The following GNL3L variants were observed in gnomAD, a reference collection of about 807,000 sequenced individuals.
GNL3L encodes guanine nucleotide-binding protein-like 3-like protein.
Under a neutral mutation model 42.9 loss-of-function variants are expected in GNL3L, and 4 were observed. The observed-to-expected ratio is 0.09, with a 90% CI of 0.05 to 0.21. GNL3L has a LOEUF of 0.21. GNL3L is among the 10% of genes least tolerant of loss of function. The pLI is 1.00. For synonymous variants in GNL3L, 159 were observed against 176.3 expected (o/e 0.90, Z 0.78); for missense variants, 412 against 481.7 (o/e 0.86, Z 1.36).
chrX:54,593,747 C>A (rs1055685833), intron 16 of GNL3L, among the ~76,000 whole-genome samples: 1 of 110,920 alleles, frequency 9.0e-6, no homozygotes, highest in Non-Finnish European at 1.9e-5. Context: ...CTATAAACTT[C>A]CCCTCTTAGC....
At position 54,582,768 on chromosome X, in the gene GNL3L, A is replaced by G. The variant is rs181109436; in HGVS notation, c.*45+22121A>G. On this transcript the variant is annotated intron_variant, in intron 16 of 16. Transcript: ENST00000674498. Reference sequence around the variant, plus strand: ...CAGCTAATTTTCGTATTTTTAGTAGAGATGGGGCTTCACCATGTTGGCCAG... The same window carrying G: ...CAGCTAATTTTCGTATTTTTAGTAGGGATGGGGCTTCACCATGTTGGCCAG... Among the ~76,000 whole-genome samples the G allele has an allele frequency of 1.2e-3, 133 of 111,536 alleles. 1 individual carries two copies. Among genetic ancestry groups the G allele is most frequent in the African/African-American group, 4.2e-3 (130 of 30,656 alleles).
downstream of GNL3L, among the ~76,000 whole-genome samples, chrX:54,569,901 CA>C (rs1925519179): frequency 8.9e-6 from 1 of 111,914 alleles, no homozygotes; most frequent in Non-Finnish European, 1.9e-5. Context: ...AATTTAATTA[CA>C]TTATGGTAAA....
chrX:54,562,770 G>A lies in GNL3L; in HGVS notation c.*2168G>A, dbSNP rs1158652160. 9.2e-6 allele frequency among the ~76,000 whole-genome samples: 1 copy of A among 108,492 alleles called. No individual in the cohort carries two copies. Among genetic ancestry groups the A allele is most frequent in the South Asian group, 4.2e-4 (1 of 2,402 alleles). The allele number at this position is 108,492 out of a possible 115,157, so 94.2% of individuals were successfully genotyped here. On this transcript the variant is annotated 3_prime_UTR_variant, in exon 16 of 16. Transcript: ENST00000360845. ...ATCACACCACTGCACTCCAGCCTGG[G>A]GGACAGAGTGAGACTTCGTCTCGGA...
At chrX:54,593,255 G>T (rs1401407589) in intron 16 of GNL3L, among the ~76,000 whole-genome samples, 1 of 111,223 alleles carries the variant, frequency 9.0e-6, no homozygotes, top group African/African-American at 3.3e-5. Flanking sequence ...TCAGGTTCTG[G>T]GCTTTTCTTT....
Position 54,600,206 on chromosome X carries a change from C to CTTTTTTTTTTTTT in GNL3L, c.*46-20614_*46-20602dup, listed in dbSNP as rs1172527598. On this transcript the variant is annotated intron_variant, in intron 16 of 16. Transcript: ENST00000674498. ...CTCTAGATTTTATTCCAATCTGCTG[C>CTTTTTTTTTTTTT]TTTTTTTTTTTTTTTTTTTTTTTTT... 2.2e-4 allele frequency among the ~76,000 whole-genome samples: 3 copies of CTTTTTTTTTTTTT among 13,386 alleles called. 1 individual carries two copies. Among genetic ancestry groups the CTTTTTTTTTTTTT allele is most frequent in the Non-Finnish European group, 4.0e-4 (3 of 7,487 alleles). The allele number at this position is 13,386 out of a possible 115,157, so 11.6% of individuals were successfully genotyped here. A position where few individuals can be genotyped will look rare whatever the true frequency, so the allele number is the denominator to read the frequency against.
chrX:54,601,195 G>C (rs1180788984), intron 16 of GNL3L, among the ~76,000 whole-genome samples: 1 of 109,816 alleles, frequency 9.1e-6, no homozygotes, highest in Non-Finnish European at 1.9e-5. Context: ...GAACTGGGGG[G>C]TGAGTTGGGG....
rs146611671 is a variant in GNL3L, at chrX:54,549,388, C to G, written c.775+1015C>G. On this transcript the variant is annotated intron_variant, in intron 9 of 15. Coordinates refer to ENST00000360845, the MANE Select transcript of GNL3L (RefSeq NM_001184819.2). ...ACACACCCACCCCAACGCTGCTCCC[C>G]CAACGCGCATAGAACCACAAGGAGG... Among the ~76,000 whole-genome samples the G allele has an allele frequency of 8.1e-5, 9 of 111,756 alleles. No homozygotes were observed. The East Asian group carries it at 2.0e-3, about 25-fold the overall frequency.
Position 54,563,150 on chromosome X carries a change from T to G in GNL3L, c.*2548T>G, listed in dbSNP as rs981421836. Among the ~76,000 whole-genome samples, 1 of 111,687 alleles carries G rather than the reference T, an allele frequency of 9.0e-6. No homozygotes were observed. Among genetic ancestry groups the G allele is most frequent in the Non-Finnish European group, 1.9e-5 (1 of 53,216 alleles). On this transcript the variant is annotated 3_prime_UTR_variant, in exon 16 of 16. Transcript: ENST00000360845. The stretch of plus-strand genomic sequence containing the variant: ...TATGTGATAGTGTTATAATGAAAAA[T>G]TGCATACCAGGACAGCTAAGTCTAT...
At chrX:54,554,519 A>G (rs764897121) in intron 13 of GNL3L, 46 bp from the exon 14 acceptor site, 1 of 1,188,705 alleles carries the variant, frequency 8.4e-7, no homozygotes, top group Non-Finnish European at 1.1e-6. Flanking sequence ...GGGGCTGGCA[A>G]CAGAGGGGAG....
intron 16 of GNL3L, among the ~76,000 whole-genome samples, chrX:54,611,365 T>C (rs918536386): frequency 2.1e-4 from 24 of 112,111 alleles, no homozygotes; most frequent in African/African-American, 7.1e-4. Context: ...TGCTCTGATC[T>C]TGGTAATTTC....
intron 2 of GNL3L, among the ~76,000 whole-genome samples, chrX:54,537,715 G>C (rs1924482748): frequency 9.0e-6 from 1 of 111,124 alleles, no homozygotes; most frequent in African/African-American, 3.3e-5. Context: ...CAGCCTCCCA[G>C]CTAGCAACAG....
At chrX:54,571,194 ATT>A (rs141463877), downstream of GNL3L, among the ~76,000 whole-genome samples, 3 of 91,452 alleles carry the variant, frequency 3.3e-5, no homozygotes, top group Non-Finnish European at 2.1e-5. Context: ...TGTCATCCTA[ATT>A]TTTTTTTTTT....
chrX:54,630,645 G>A, the GNL3L span, among the ~76,000 whole-genome samples: 1 of 95,043 alleles, frequency 1.1e-5, no homozygotes. Context: ...ATTTTCTTTT[G>A]TTTTCTTTTC....
At chrX:54,531,621 C>G (rs1489346851) in intron 1 of GNL3L, among the ~76,000 whole-genome samples, 3 of 111,553 alleles carry the variant, frequency 2.7e-5, no homozygotes, top group Non-Finnish European at 5.6e-5. Flanking sequence ...AGTCCACCTT[C>G]CATAGAAGGG....
intron 1 of GNL3L, among the ~76,000 whole-genome samples, chrX:54,530,776 C>T (rs751427369): frequency 1.5e-4 from 17 of 112,153 alleles, no homozygotes; most frequent in Non-Finnish European, 2.3e-4. Context: ...AAGGCACTTC[C>T]TTGGCTTGGC....
At chrX:54,633,354 A>G in the GNL3L span, among the ~76,000 whole-genome samples, 2 of 111,680 alleles carry the variant, frequency 1.8e-5, no homozygotes, top group African/African-American at 3.3e-5. Flanking sequence ...ACCAGGAGAT[A>G]GCTTTCAAGA....
rs1284832789 is a variant in GNL3L at position 54,564,884 on chromosome X, C to T, written c.*4282C>T. 9.3e-6 allele frequency among the ~76,000 whole-genome samples: 1 copy of T among 107,446 alleles called. No individual in the cohort carries two copies. The highest frequency in any genetic ancestry group is 1.9e-5 in the Non-Finnish European group (1 of 52,211). The allele number at this position is 107,446 out of a possible 115,157, so 93.3% of individuals were successfully genotyped here. A position where few individuals can be genotyped will look rare whatever the true frequency, so the allele number is the denominator to read the frequency against. On this transcript the variant is annotated 3_prime_UTR_variant, in exon 16 of 16. Coordinates refer to ENST00000360845, the MANE Select transcript of GNL3L (RefSeq NM_001184819.2). ...GAGTAACAGGGACTACAGGTGCCCA[C>T]CACCATGCTGGGCTAATTTTTGTAT...
downstream of GNL3L, among the ~76,000 whole-genome samples, chrX:54,625,295 T>TG (rs112908839): frequency 0.15 from 16,148 of 108,944 alleles, 1,931 homozygotes; most frequent in African/African-American, 0.41. Context: ...TTTTGTTTTT[T>TG]TTTTTTTTTA....
chrX:54,597,421 G>A (rs67587697), intron 16 of GNL3L, among the ~76,000 whole-genome samples: 3,885 of 110,957 alleles, frequency 0.035, 71 homozygotes, highest in South Asian at 0.1. Flanking sequence ...AAGATGCAAA[G>A]TAAAGTCCTC....
Sources: allele counts gnomAD v4.1 joint callset (sites outside exome capture counted in the v4.1 genomes callset), GRCh38; gene constraint gnomAD v4.1.1; transcripts MANE v1.5; gene names NCBI Gene and HGNC (gene_info 2026-07-23, HGNC 2026-07-21).